PRDM15: variants seen among roughly 807,000 people sequenced by gnomAD.
PRDM15 encodes PR/SET domain 15, also known as PR domain zinc finger protein 15.
A neutral mutation model predicts 128.6 loss-of-function variants in PRDM15; 64 were observed. That is an observed-to-expected ratio of 0.50 (90% CI 0.41 to 0.61). The LOEUF is 0.61. Ranked by LOEUF, PRDM15 falls within the 20% of genes least tolerant of loss-of-function variation. The pLI is 0.00. For synonymous variants in PRDM15, 615 were observed against 621.8 expected (o/e 0.99, Z 0.16); for missense variants, 1,242 against 1,569.1 (o/e 0.79, Z 3.52).
intron 3 of PRDM15, among the ~76,000 whole-genome samples, chr21:41,858,870 G>A (rs916125143): frequency 2.6e-5 from 4 of 152,304 alleles, no homozygotes; most frequent in Middle Eastern, 3.4e-3. Context: ...GTGGGGCAGT[G>A]GGGAGGCTCC....
intron 4 of PRDM15, among the ~76,000 whole-genome samples, chr21:41,856,632 C>G (rs983092306): frequency 3.3e-5 from 5 of 152,166 alleles, no homozygotes; most frequent in Admixed American, 2.0e-4. Flanking sequence ...ATTCTAAAGC[C>G]TGCCTTGCAA....
intron 21 of PRDM15, among the ~76,000 whole-genome samples, chr21:41,806,174 T>G (rs867220877): frequency 4.6e-4 from 1 of 2,190 alleles, no homozygotes. Context: ...ACCACCACCA[T>G]CACCACCACC....
intron 6 of PRDM15, among the ~76,000 whole-genome samples, chr21:41,842,724 C>T (rs1015039131): frequency 1.3e-5 from 2 of 150,632 alleles, no homozygotes; most frequent in African/African-American, 4.9e-5. Flanking sequence ...CTCTTGACCT[C>T]GTGATCTGCC....
In PRDM15 at chr21:41,854,871, T is replaced by C; in HGVS notation, c.286-53A>G. The stretch of plus-strand genomic sequence containing the variant: ...CCGGGGAAATGGCTGATTACCCATC[T>C]GTGTATCAGCGTGTGGGGGGCAGGT... On this transcript the variant is annotated intron_variant, in intron 4 of 23. Coordinates refer to ENST00000398548, the MANE Select transcript of PRDM15 (RefSeq NM_001040424.3). The surrounding 1 kb of genome is among the most constrained non-coding windows in gnomAD (Gnocchi z 4.6). The C allele has an allele frequency of 6.4e-7, 1 of 1,556,418 alleles. No individual in the cohort carries two copies. Among genetic ancestry groups the C allele is most frequent in the Non-Finnish European group, 8.7e-7 (1 of 1,149,048 alleles).
intron 19 of PRDM15, among the ~76,000 whole-genome samples, chr21:41,815,250 C>G (rs1188643911): frequency 1.3e-5 from 2 of 152,228 alleles, no homozygotes; most frequent in African/African-American, 2.4e-5. Context: ...GTACACACAT[C>G]ACCCGAGCGG....
At chr21:41,815,643 G>A in intron 19 of PRDM15, 62 bp downstream of exon 19, 1 of 1,592,056 alleles carries the variant, frequency 6.3e-7, no homozygotes, top group African/African-American at 1.3e-5. Context: ...TTCTCCCACG[G>A]CCCACCTGGC....
At chr21:41,847,337 T>G (rs2063298256) in intron 5 of PRDM15, 146 bp from the exon 6 acceptor site, 6 of 590,156 alleles carry the variant, frequency 1.0e-5, no homozygotes, top group Non-Finnish European at 1.8e-5. Flanking sequence ...TCACTCCACA[T>G]GACAGACACC....
intron 11 of PRDM15, among the ~76,000 whole-genome samples, chr21:41,831,437 C>T (rs2062687408): frequency 6.6e-6 from 1 of 152,242 alleles, no homozygotes; most frequent in Non-Finnish European, 1.5e-5. Context: ...AAACGCCCTC[C>T]ACTCTCCACC....
intron 1 of PRDM15, chr21:41,878,930 G>C (rs1313034663): frequency 2.0e-5 from 19 of 956,432 alleles, no homozygotes; most frequent in Non-Finnish European, 2.2e-5. Context: ...GCCGCGGGCG[G>C]GCGGGGGGCG....
intron 17 of PRDM15, 124 bp from the exon 18 acceptor site, chr21:41,819,825 G>A: frequency 7.6e-7 from 1 of 1,307,996 alleles, no homozygotes; most frequent in South Asian, 1.4e-5. Context: ...ACAGGGGTGG[G>A]GTCGCCTCTT....
At chr21:41,820,708 T>C (rs978687502) in intron 16 of PRDM15, among the ~76,000 whole-genome samples, 5 of 152,224 alleles carry the variant, frequency 3.3e-5, no homozygotes, top group African/African-American at 7.2e-5. Context: ...AGTCACTCAC[T>C]CAGCAGACCG....
chr21:41,814,958 G>A (rs1357310353), intron 19 of PRDM15: 1 of 144,594 alleles, frequency 6.9e-6, no homozygotes, highest in African/African-American at 2.7e-5. Flanking sequence ...GTGCTCTAGT[G>A]TTTTATGAGA....
At chr21:41,836,686 T>G (rs762160009) in intron 8 of PRDM15, 37 bp from the exon 9 acceptor site, 56 of 1,552,004 alleles carry the variant, frequency 3.6e-5, no homozygotes, top group Non-Finnish European at 4.7e-5. Context: ...AAAAGACAGG[T>G]GGGAAAAAAG....
At chr21:41,874,949 G>C (rs987189088) in intron 1 of PRDM15, 3 of 152,316 alleles carry the variant, frequency 2.0e-5, no homozygotes, top group Non-Finnish European at 4.4e-5. Context: ...GACCCCACGG[G>C]CTTGGAGGAC....
chr21:41,847,255 C>T (rs889196166), intron 5 of PRDM15, 64 bp from the exon 6 acceptor site: 10 of 1,174,460 alleles, frequency 8.5e-6, no homozygotes, highest in East Asian at 7.7e-5. Context: ...CCATGAATCC[C>T]GGCGCAGCGG....
At chr21:41,842,421 TA>T (rs1404267257) in intron 6 of PRDM15, among the ~76,000 whole-genome samples, 1 of 152,250 alleles carries the variant, frequency 6.6e-6, no homozygotes, top group Non-Finnish European at 1.5e-5. Context: ...GGTAAATCAA[TA>T]ATCAGTGTAT....
At chr21:41,878,814 GCCCGGCGGC>G in intron 1 of PRDM15, 1 of 1,169,364 alleles carries the variant, frequency 8.6e-7, no homozygotes, top group Non-Finnish European at 1.1e-6. Flanking sequence ...CGACGACGCC[GCCCGGCGGC>G]GGGGGCCGCG....
intron 22 of PRDM15, chr21:41,803,212 T>C (rs1181059353): frequency 4.5e-6 from 2 of 440,064 alleles, no homozygotes; most frequent in East Asian, 4.5e-5. Flanking sequence ...TTTAAGCCAC[T>C]GGGTATTTCC....
intron 1 of PRDM15, chr21:41,867,213 C>A: frequency 1.1e-6 from 1 of 933,726 alleles, no homozygotes; most frequent in Admixed American, 2.1e-5. Context: ...AGAAGGCAGC[C>A]ACTCAGGGGC....
Sources: gnomAD v4.1 joint callset for allele counts (sites outside exome capture counted in the v4.1 genomes callset) on GRCh38, gnomAD v4.1.1 for gene constraint, Gnocchi (gnomAD v3.1) non-coding constraint, MANE v1.5 for transcripts, NCBI Gene and HGNC (gene_info 2026-07-23, HGNC 2026-07-21) for gene names.